The following ARHGAP45 variants were observed in gnomAD, a reference collection of about 807,000 sequenced individuals.
The protein encoded by ARHGAP45 is Rho GTPase activating protein 45.
A neutral mutation model predicts 116.1 loss-of-function variants in ARHGAP45; 56 were observed. The observed-to-expected ratio is 0.48, with a 90% CI of 0.39 to 0.60. The LOEUF is 0.60. ARHGAP45 is among the 20% of genes least tolerant of loss of function. The probability of loss-of-function intolerance (pLI) is 0.00; values close to 1 mark genes in which losing one functional copy is unlikely to be tolerated. For synonymous variants in ARHGAP45, 866 were observed against 701.7 expected (o/e 1.23, Z -3.70); for missense variants, 1,622 against 1,601.0 (o/e 1.01, Z -0.22).
chr19:1,073,537 G>A lies in ARHGAP45; in HGVS notation c.597G>A (p.Glu199=). 1 of 1,614,016 alleles carries A rather than the reference G, an allele frequency of 6.2e-7. No homozygotes were observed. Among genetic ancestry groups the A allele is most frequent in the Non-Finnish European group, 8.5e-7 (1 of 1,179,986 alleles). The change falls in exon 4 of 23, where the codon GAG becomes GAA. Residue 199 remains glutamate, a synonymous_variant. Transcript: ENST00000313093. ...AFHYESNNDL[E]KQEFEKALET... ...ATTATGAGAGCAACAATGATCTGGA[G>A]AAACAGGAGTTCGAGAAGGCCCTGG...
In ARHGAP45 at chr19:1,075,038, C is replaced by G. The variant is rs1039109821; in HGVS notation, c.1185+159C>G. Among the ~76,000 whole-genome samples, 12 of 69,616 alleles carry G rather than the reference C, an allele frequency of 1.7e-4. 1 individual carries two copies. Among genetic ancestry groups the G allele is most frequent in the Admixed American group, 5.1e-4 (3 of 5,908 alleles). 45.7% of individuals were successfully genotyped at this position (69,616 alleles called of 152,430 possible). A position where few individuals can be genotyped will look rare whatever the true frequency, so the allele number is the denominator to read the frequency against. On this transcript the variant is annotated intron_variant, in intron 10 of 22. Transcript: ENST00000313093. ...TCGCAGGCTGGGCCGCCCCCCCCAACGCCAAGCCGGGTCGGAGATGCTCCA... is the reference window on the plus strand; with the variant it reads ...TCGCAGGCTGGGCCGCCCCCCCCAAGGCCAAGCCGGGTCGGAGATGCTCCA...
chr19:1,066,032 CG>C (rs1568445102), upstream of ARHGAP45: 1 of 1,535,470 alleles, frequency 6.5e-7, no homozygotes, highest in South Asian at 1.2e-5. Flanking sequence ...CGCCATGAGT[CG>C]GGGGCAAAGA....
Position 1,077,911 on chromosome 19 carries a change from G to A in ARHGAP45, c.1240G>A (p.Glu414Lys), listed in dbSNP as rs2043301708. Residue 414 changes from glutamate to lysine, a missense_variant, in exon 11 of 23, where the codon GAG (glutamate) becomes AAG (lysine). This residue lies in a region of ARHGAP45 where 1,334 missense variants were observed against 1,263.8 expected (regional missense o/e 1.06). Coordinates refer to ENST00000313093, the MANE Select transcript of ARHGAP45 (RefSeq NM_012292.5). The part of the protein sequence containing the change: ...KAKQGYVQRC[E>K]DHDKARFLVA... ...CAAGCAGGGTTACGTGCAGCGCTGC[G>A]AGGACCACGACAAGGCTCGCTTCCT... 1 of 1,554,248 alleles carries A rather than the reference G, an allele frequency of 6.4e-7. No homozygotes were observed. The highest frequency in any genetic ancestry group is 8.7e-7 in the Non-Finnish European group (1 of 1,148,498).
chr19:1,071,366 G>A lies in ARHGAP45; in HGVS notation c.422-1783G>A. On this transcript the variant is annotated intron_variant, in intron 2 of 22. Coordinates refer to ENST00000313093, the MANE Select transcript of ARHGAP45 (RefSeq NM_012292.5). This position sits in a 1 kb window ranked among gnomAD's most constrained non-coding sequence, Gnocchi z 4.6. ...GCCGGGCGGGCCCCCGAGGTGAGGG[G>A]ACAGGTGCCGGGCGCTGGGTCCCGC... The A allele has an allele frequency of 7.6e-7, 1 of 1,308,236 alleles. No homozygotes were observed. Among genetic ancestry groups the A allele is most frequent in the African/African-American group, 1.6e-5 (1 of 63,382 alleles). 81.0% of individuals were successfully genotyped at this position (1,308,236 alleles called of 1,614,324 possible).
chr19:1,083,261 G>A lies in ARHGAP45; in HGVS notation c.2863G>A (p.Asp955Asn). 6.2e-7 allele frequency: 1 copy of A among 1,602,018 alleles called. No individual in the cohort carries two copies. The highest frequency in any genetic ancestry group is 1.1e-5 in the South Asian group (1 of 88,958). The change falls in exon 21 of 23, where the codon GAT becomes AAT. Residue 955 changes from aspartate to asparagine, a missense_variant. By Grantham distance (23) the Asp-to-Asn change is conservative. Coordinates refer to ENST00000313093, the MANE Select transcript of ARHGAP45 (RefSeq NM_012292.5). ...CACCGTGTCCCTCTCCTCCCTGGTGGATTATCCCCATCAGGCCCGCGTCAT... is the reference window on the plus strand; with the variant it reads ...CACCGTGTCCCTCTCCTCCCTGGTGAATTATCCCCATCAGGCCCGCGTCAT... ...EATVSLSSLV[D>N]YPHQARVIET... is the part of the protein sequence containing the mutation.
chr19:1,070,359 C>T (rs1178812252), intron 2 of ARHGAP45, among the ~76,000 whole-genome samples: 3 of 115,404 alleles, frequency 2.6e-5, no homozygotes, highest in African/African-American at 3.5e-5. Context: ...GAGACAGAGT[C>T]TCACTCTGTC....
intron 2 of ARHGAP45, among the ~76,000 whole-genome samples, chr19:1,072,943 C>T (rs1169953736): frequency 6.6e-6 from 1 of 152,166 alleles, no homozygotes; most frequent in African/African-American, 2.4e-5. Flanking sequence ...CCTAGGCCAA[C>T]GTCTGGCCTT....
intron 18 of ARHGAP45, 37 bp downstream of exon 18, chr19:1,081,775 C>A: frequency 6.4e-7 from 1 of 1,568,206 alleles, no homozygotes; most frequent in Non-Finnish European, 8.6e-7. Flanking sequence ...AGCGAGGAGG[C>A]GGGAGTGGGC....
chr19:1,074,897 G>T lies in ARHGAP45; in HGVS notation c.1185+18G>T. On this transcript the variant is annotated intron_variant, in intron 10 of 22. Transcript: ENST00000313093. The stretch of plus-strand genomic sequence containing the variant: ...GGAAGCTGGTGAGGCGGGCGGGCGG[G>T]GGCGGGCGGGGGCGGGCAGCGGGCC... 2 of 1,464,918 alleles carry T rather than the reference G, an allele frequency of 1.4e-6. No homozygotes were observed. The highest frequency in any genetic ancestry group is 1.3e-5 in the South Asian group (1 of 78,880). 90.7% of individuals were successfully genotyped at this position (1,464,918 alleles called of 1,614,324 possible). A position where few individuals can be genotyped will look rare whatever the true frequency, so the allele number is the denominator to read the frequency against.
chr19:1,082,028 TG>T, intron 19 of ARHGAP45, 67 bp downstream of exon 19: 1 of 1,118,156 alleles, frequency 8.9e-7, no homozygotes, highest in Non-Finnish European at 1.1e-6. Flanking sequence ...GGAGGCGGGG[TG>T]GGGGTCCGGG....
rs2043440509 is a variant in ARHGAP45, at chr19:1,081,709, G to GCACCA, written c.2350_2351insCACCA (p.Glu784AlafsTer20). The GCACCA allele has an allele frequency of 6.3e-7, 1 of 1,586,484 alleles. No homozygotes were observed. Among genetic ancestry groups the GCACCA allele is most frequent in the African/African-American group, 1.3e-5 (1 of 74,336 alleles). On this transcript the variant is annotated frameshift_variant, in exon 18 of 23. Transcript: ENST00000313093. LOFTEE classifies it high-confidence loss of function. ...CTTCATCGTCAAGAAGTGCGTCTGC[G>GCACCA]AGATCGAGCGGCGGGCGCTGCGCAC...
Position 1,068,542 on chromosome 19 carries a change from C to G in ARHGAP45, c.219C>G (p.Ser73Arg). ...CCACCAGCCTGAGCCGCCACGCCAG[C>G]GCGGCTGGCTTCCCCCTGTCGGGTG... ...KRPTSLSRHA[S>R]AAGFPLSGAA... is the part of the protein sequence containing the mutation. The change falls in exon 2 of 23, where the codon AGC becomes AGG. Residue 73 changes from serine to arginine, a missense_variant. Ser to Arg is a moderately radical substitution (Grantham distance 110). Around this residue, in one of 3 missense-constraint regions of ARHGAP45, gnomAD observed 279 missense variants for 311.9 expected, o/e 0.89. Transcript: ENST00000313093. This position sits in a 1 kb window ranked among gnomAD's most constrained non-coding sequence, Gnocchi z 7.5. 2 of 1,608,580 alleles carry G rather than the reference C, an allele frequency of 1.2e-6. No homozygotes were observed. The highest frequency in any genetic ancestry group is 1.7e-6 in the Non-Finnish European group (2 of 1,177,994).
intron 17 of ARHGAP45, 30 bp from the exon 18 acceptor site, chr19:1,081,520 G>A (rs2043433232): frequency 2.1e-6 from 3 of 1,446,566 alleles, no homozygotes; most frequent in South Asian, 1.5e-5. Context: ...GCGCCCCGGG[G>A]CTGGGCTCAC....
At chr19:1,075,743 TC>T (rs780022027) in intron 10 of ARHGAP45, among the ~76,000 whole-genome samples, 102 of 152,342 alleles carry the variant, frequency 6.7e-4, no homozygotes, top group Middle Eastern at 3.4e-3. Flanking sequence ...CCTCCTGAGT[TC>T]CTGGGTCTAC....
chr19:1,068,256 G>A lies in ARHGAP45; in HGVS notation c.91-158G>A, dbSNP rs2145003723. On this transcript the variant is annotated intron_variant, in intron 1 of 22. Transcript: ENST00000313093. This position sits in a 1 kb window ranked among gnomAD's most constrained non-coding sequence, Gnocchi z 7.5. ...AGGATGTTGGGTAACAGGTGGGGGG[G>A]TACACTACCAAATCTCGGCCCTGTG... 4.9e-6 allele frequency: 3 copies of A among 610,484 alleles called. No individual in the cohort carries two copies. In the South Asian group the frequency reaches 6.3e-5, roughly 13 times the overall value. 37.8% of individuals were successfully genotyped at this position (610,484 alleles called of 1,614,324 possible).
intron 11 of ARHGAP45, 77 bp from the exon 12 acceptor site, chr19:1,079,626 C>G (rs1280005790): frequency 1.3e-6 from 2 of 1,535,116 alleles, no homozygotes; most frequent in East Asian, 2.3e-5. Flanking sequence ...GGCGTCAGCC[C>G]CGCCTCCCTG....
rs1238790975 is a variant in ARHGAP45 at position 1,077,844 on chromosome 19, C to T, written c.1186-13C>T. The T allele has an allele frequency of 2.6e-6, 4 of 1,551,900 alleles. No homozygotes were observed. The South Asian group carries it at 4.8e-5, about 18-fold the overall frequency. Reference sequence around the variant, plus strand: ...TAGGGTTGGAACTGGCCTCCTGGCTCCCACACCCACAGCAAGAGGCGGAGT... The same window carrying T: ...TAGGGTTGGAACTGGCCTCCTGGCTTCCACACCCACAGCAAGAGGCGGAGT... On this transcript the variant is annotated splice_polypyrimidine_tract_variant and intron_variant, in intron 10 of 22. Transcript: ENST00000313093.
At position 1,077,906 on chromosome 19, in the gene ARHGAP45, G is replaced by A; in HGVS notation, c.1235G>A (p.Arg412His). The A allele has an allele frequency of 3.9e-6, 6 of 1,554,468 alleles. No individual in the cohort carries two copies. Among genetic ancestry groups the A allele is most frequent in the Non-Finnish European group, 5.2e-6 (6 of 1,148,684 alleles). ...AAGGCCAAGCAGGGTTACGTGCAGCGCTGCGAGGACCACGACAAGGCTCGC... is the reference window on the plus strand; with the variant it reads ...AAGGCCAAGCAGGGTTACGTGCAGCACTGCGAGGACCACGACAAGGCTCGC... ...LRKAKQGYVQ[R>H]CEDHDKARFL... is the part of the protein sequence containing the mutation. Residue 412 changes from arginine to histidine, a missense_variant, in exon 11 of 23, where the codon CGC becomes CAC. Arg to His is a conservative substitution (Grantham distance 29, BLOSUM62 0). Around this residue, in one of 3 missense-constraint regions of ARHGAP45, gnomAD observed 1,334 missense variants for 1,263.8 expected, o/e 1.06. Coordinates refer to ENST00000313093, the MANE Select transcript of ARHGAP45 (RefSeq NM_012292.5).
chr19:1,074,172 C>G lies in ARHGAP45; in HGVS notation c.859C>G (p.Leu287Val), dbSNP rs943059905. 6.2e-7 allele frequency: 1 copy of G among 1,613,506 alleles called. No homozygotes were observed. ...RCEGGVDAAL[L>V]YAKNMAKYMK... Reference sequence around the variant, plus strand: ...TGAGGGGGGCGTGGATGCCGCACTGCTGTATGCCAAGAACATGGCCAAGTA... The same window carrying G: ...TGAGGGGGGCGTGGATGCCGCACTGGTGTATGCCAAGAACATGGCCAAGTA... The change falls in exon 7 of 23, where the codon CTG becomes GTG. Residue 287 changes from leucine (L) to valine (V), a missense_variant. Leu to Val is a conservative substitution (Grantham distance 32). Coordinates refer to ENST00000313093, the MANE Select transcript of ARHGAP45 (RefSeq NM_012292.5).
Sources: allele counts gnomAD v4.1 joint callset (sites outside exome capture counted in the v4.1 genomes callset), GRCh38; gene constraint gnomAD v4.1.1; regional missense constraint gnomAD v4.1.1; non-coding constraint Gnocchi (gnomAD v3.1); transcripts MANE v1.5; gene names NCBI Gene and HGNC (gene_info 2026-07-23, HGNC 2026-07-21).